SMAD9: variants seen among roughly 807,000 people sequenced by gnomAD.
SMAD9 encodes the protein SMAD family member 9.
Under a neutral mutation model 46.1 loss-of-function variants are expected in SMAD9, and 36 were observed. The observed-to-expected ratio is 0.78, with a 90% confidence interval of 0.60 to 1.03. SMAD9 has a LOEUF of 1.03. Ranked by LOEUF, SMAD9 falls within the 50% of genes least tolerant of loss-of-function variation. The probability of loss-of-function intolerance (pLI) is 0.00; values close to 1 mark genes in which losing one functional copy is unlikely to be tolerated. For missense variants in SMAD9, 572 were observed against 599.8 expected, an observed-to-expected ratio of 0.95 and a Z score of 0.48; for synonymous variants, 245 against 237.1, an observed-to-expected ratio of 1.03 and a Z score of -0.31.
At chr13:36,864,026 C>G (rs1232381109) in intron 5 of SMAD9, among the ~76,000 whole-genome samples, 2 of 152,164 alleles carry the variant, frequency 1.3e-5, no homozygotes, top group East Asian at 1.9e-4. Flanking sequence ...CTGGCACCAG[C>G]AGAAATTGAA....
intron 2 of SMAD9, among the ~76,000 whole-genome samples, chr13:36,878,197 G>A (rs1455383400): frequency 1.3e-5 from 2 of 151,942 alleles, no homozygotes; most frequent in African/African-American, 2.4e-5. Context: ...CACACACAGG[G>A]GTGTGAAGGG....
chr13:36,902,620 A>AT (rs994998871), intron 1 of SMAD9, among the ~76,000 whole-genome samples: 4 of 150,388 alleles, frequency 2.7e-5, no homozygotes, highest in South Asian at 2.1e-4. Context: ...CGCCCATCTA[A>AT]TTTTTTTTTG....
intron 1 of SMAD9, among the ~76,000 whole-genome samples, chr13:36,897,849 C>CTTTT (rs574741770): frequency 3.7e-4 from 33 of 90,014 alleles, no homozygotes; most frequent in Non-Finnish European, 5.2e-4. Flanking sequence ...TGTCCTGTGT[C>CTTTT]TTTTTTTTTT....
At chr13:36,888,603 T>C (rs560167) in intron 1 of SMAD9, among the ~76,000 whole-genome samples, 1,738 of 152,284 alleles carry the variant, frequency 0.011, 12 homozygotes, top group African/African-American at 0.026. Context: ...TGGGCACTTA[T>C]GTATAACAGA....
At chr13:36,909,853 G>A (rs756664298) in intron 1 of SMAD9, among the ~76,000 whole-genome samples, 10 of 152,128 alleles carry the variant, frequency 6.6e-5, no homozygotes, top group South Asian at 2.1e-4. Flanking sequence ...GTATACTTCT[G>A]TTTATTCCTC....
intron 1 of SMAD9, among the ~76,000 whole-genome samples, chr13:36,897,117 G>C (rs604279): frequency 0.36 from 54,182 of 151,912 alleles, 12,060 homozygotes; most frequent in African/African-American, 0.64. Context: ...TCTGCTACAG[G>C]CCTTCACAGT....
Position 36,870,983 on chromosome 13 carries a change from T to C in SMAD9, c.670+1675A>G, listed in dbSNP as rs138802053. Among the ~76,000 whole-genome samples the C allele has an allele frequency of 1.2e-3, 189 of 152,244 alleles. 1 individual carries two copies. Among genetic ancestry groups the C allele is most frequent in the African/African-American group, 4.4e-3 (181 of 41,546 alleles). ...CTGGATAGGATGGCACGAAGTTTCA[T>C]CCCCACATACAATTTAAAATTTATG... On this transcript the variant is annotated intron_variant, in intron 3 of 6. Coordinates refer to ENST00000379826, the MANE Select transcript of SMAD9 (RefSeq NM_001127217.3).
chr13:36,895,151 T>C (rs2058518008), intron 1 of SMAD9, among the ~76,000 whole-genome samples: 1 of 152,158 alleles, frequency 6.6e-6, no homozygotes, highest in South Asian at 2.1e-4. Flanking sequence ...TCTTCCTCAG[T>C]GTTCCCAGGT....
At chr13:36,885,580 A>C (rs1465376317) in intron 1 of SMAD9, among the ~76,000 whole-genome samples, 1 of 152,008 alleles carries the variant, frequency 6.6e-6, no homozygotes, top group Non-Finnish European at 1.5e-5. Flanking sequence ...CTGGAAGGAG[A>C]CTTTTCTAGC....
intron 5 of SMAD9, among the ~76,000 whole-genome samples, chr13:36,855,662 G>A (rs369656089): frequency 3.9e-5 from 6 of 152,280 alleles, no homozygotes; most frequent in South Asian, 2.1e-4. Flanking sequence ...CTGAATCTAG[G>A]AAACGTTACT....
At chr13:36,905,667 G>C (rs1056389332) in intron 1 of SMAD9, among the ~76,000 whole-genome samples, 1 of 151,244 alleles carries the variant, frequency 6.6e-6, no homozygotes, top group Non-Finnish European at 1.5e-5. Flanking sequence ...TCAGCTACTA[G>C]GAAGGCTGAG....
intron 4 of SMAD9, 90 bp downstream of exon 4, chr13:36,867,183 T>C (rs908775454): frequency 3.1e-5 from 27 of 863,244 alleles, no homozygotes; most frequent in Non-Finnish European, 1.3e-5. Flanking sequence ...CCAGTACATT[T>C]CTGGTTTTCT....
chr13:36,890,139 T>C (rs989592967), intron 1 of SMAD9, among the ~76,000 whole-genome samples: 1 of 152,216 alleles, frequency 6.6e-6, no homozygotes, highest in Non-Finnish European at 1.5e-5. Flanking sequence ...TCTAATTTTT[T>C]TTCTTTCTTT....
chr13:36,919,830 CCCACCCCACT>C (rs2058728485), intron 1 of SMAD9, among the ~76,000 whole-genome samples: 1 of 149,292 alleles, frequency 6.7e-6, no homozygotes, highest in Admixed American at 6.7e-5. Context: ...CCCACCCCAC[CCCACCCCACT>C]CCACCCCAGA....
At chr13:36,858,831 T>A (rs537219572) in intron 5 of SMAD9, among the ~76,000 whole-genome samples, 1 of 152,324 alleles carries the variant, frequency 6.6e-6, no homozygotes, top group Admixed American at 6.5e-5. Context: ...TGAGACAGTC[T>A]CCTGCCTAGT....
chr13:36,886,246 C>G (rs913284250), intron 1 of SMAD9, among the ~76,000 whole-genome samples: 9 of 152,188 alleles, frequency 5.9e-5, no homozygotes, highest in African/African-American at 2.2e-4. Context: ...AACCACTGCA[C>G]CATAATCCCG....
chr13:36,875,320 TAACA>T (rs2058335932), intron 2 of SMAD9, among the ~76,000 whole-genome samples: 1 of 152,212 alleles, frequency 6.6e-6, no homozygotes. Context: ...ATCTCTTTCT[TAACA>T]AACAATAATT....
intron 4 of SMAD9, 65 bp from the exon 5 acceptor site, chr13:36,865,823 C>T: frequency 7.3e-7 from 1 of 1,360,800 alleles, no homozygotes; most frequent in Non-Finnish European, 1.0e-6. Flanking sequence ...GTTCATGATT[C>T]CACCAGGAAA....
chr13:36,888,300 G>T (rs1230695621), intron 1 of SMAD9, among the ~76,000 whole-genome samples: 1 of 152,028 alleles, frequency 6.6e-6, no homozygotes, highest in African/African-American at 2.4e-5. Flanking sequence ...TGCTTGTTTG[G>T]TAAGTGTCTC....
Sources: allele counts gnomAD v4.1 joint callset (sites outside exome capture counted in the v4.1 genomes callset), GRCh38; gene constraint gnomAD v4.1.1; transcripts MANE v1.5; gene names NCBI Gene and HGNC (gene_info 2026-07-23, HGNC 2026-07-21).